The following SRGAP2 variants were observed in gnomAD, a reference collection of about 807,000 sequenced individuals.
SRGAP2 encodes SLIT-ROBO Rho GTPase-activating protein 2.
SRGAP2 carries 15 observed loss-of-function variants against 57.2 expected under a neutral mutation model. The observed-to-expected ratio is 0.26, with a 90% CI of 0.18 to 0.40. The LOEUF (loss-of-function observed/expected upper bound fraction) is 0.40, where lower values mean the gene tolerates loss of function less well. Ranked by LOEUF, SRGAP2 falls within the 10% of genes least tolerant of loss-of-function variation. The pLI, the probability that SRGAP2 is intolerant of heterozygous loss-of-function variation, is 1.00. For synonymous variants in SRGAP2, 249 were observed against 248.0 expected, an observed-to-expected ratio of 1.00 and a Z score of -0.04; for missense variants, 520 against 669.6, an observed-to-expected ratio of 0.78 and a Z score of 2.47.
intron 7 of SRGAP2, among the ~76,000 whole-genome samples, chr1:206,395,667 G>A (rs1382404155): frequency 1.8e-4 from 27 of 151,372 alleles, no homozygotes; most frequent in Admixed American, 1.8e-3. Flanking sequence ...TGTACTCAAG[G>A]CAACTTCCCT....
intron 2 of SRGAP2, among the ~76,000 whole-genome samples, chr1:206,289,226 A>G (rs1188223346): frequency 1.4e-5 from 2 of 141,932 alleles, no homozygotes; most frequent in Non-Finnish European, 3.0e-5. Flanking sequence ...AAACAATAGC[A>G]GATATAATTT....
chr1:206,436,351 CT>C (rs558991193), intron 14 of SRGAP2, among the ~76,000 whole-genome samples: 299 of 144,060 alleles, frequency 2.1e-3, no homozygotes, highest in Middle Eastern at 3.6e-3. Context: ...ATTTCCCATT[CT>C]TTTTTTTTTT....
At chr1:206,377,155 C>A (rs1443905467) in intron 4 of SRGAP2, among the ~76,000 whole-genome samples, 4 of 152,148 alleles carry the variant, frequency 2.6e-5, no homozygotes, top group African/African-American at 9.7e-5. Context: ...GAATCAAATT[C>A]AAAAACTATT....
At chr1:206,452,908 AAT>A (rs782520058) in intron 19 of SRGAP2, among the ~76,000 whole-genome samples, 29 of 150,924 alleles carry the variant, frequency 1.9e-4, no homozygotes, top group African/African-American at 4.4e-4. Flanking sequence ...AAAAAAAAAA[AAT>A]GGGATGCTTG....
Position 206,296,116 on chromosome 1 carries a change from G to A in SRGAP2, c.68-7165G>A, listed in dbSNP as rs1271802872. Among the ~76,000 whole-genome samples the A allele has an allele frequency of 2.7e-5, 4 of 149,000 alleles. No homozygotes were observed. In the East Asian group the frequency reaches 6.0e-4, roughly 22 times the overall value. ...CCAGGGATAGGGCTGGCTTCTCATC[G>A]TGACTTCATTCAGATACTCATGTTT... On this transcript the variant is annotated intron_variant, in intron 2 of 22. Transcript: ENST00000573034.
chr1:206,458,451 G>C, intron 21 of SRGAP2, 172 bp from the exon 22 acceptor site: 1 of 715,494 alleles, frequency 1.4e-6, no homozygotes. Context: ...GGGGTGGCAA[G>C]GGAATGAAGA....
At position 206,384,608 on chromosome 1, in the gene SRGAP2, T is replaced by C. The variant is rs562580246; in HGVS notation, c.486+532T>C. On this transcript the variant is annotated intron_variant, in intron 5 of 22. Transcript: ENST00000573034. ...AGCTTTGCCTGGCTTCCTGGAGTTT[T>C]ATAAAGCCAAACCTCAGTGACGAGG... 3.3e-3 allele frequency among the ~76,000 whole-genome samples: 506 copies of C among 152,236 alleles called. 1 individual carries two copies. Among genetic ancestry groups the C allele is most frequent in the Non-Finnish European group, 5.1e-3 (346 of 68,008 alleles).
At chr1:206,451,467 G>A (rs1663302322) in intron 19 of SRGAP2, among the ~76,000 whole-genome samples, 1 of 152,010 alleles carries the variant, frequency 6.6e-6, no homozygotes, top group Admixed American at 6.6e-5. Flanking sequence ...GCTGACAAGG[G>A]GCCTCAGAAT....
intron 13 of SRGAP2, among the ~76,000 whole-genome samples, chr1:206,421,934 T>TA (rs140699790): frequency 0.012 from 1,895 of 152,266 alleles, 54 homozygotes; most frequent in African/African-American, 0.043. Context: ...TGTGCTTGTT[T>TA]AAAAAAAATT....
intron 14 of SRGAP2, 48 bp downstream of exon 14, chr1:206,430,270 A>T (rs782540324): frequency 1.3e-6 from 1 of 779,502 alleles, no homozygotes; most frequent in Non-Finnish European, 2.4e-6. Context: ...GATTGGGAAG[A>T]ACTTCCAGGA....
chr1:206,449,979 G>C (rs1663124216), intron 18 of SRGAP2, among the ~76,000 whole-genome samples: 1 of 152,200 alleles, frequency 6.6e-6, no homozygotes, highest in Non-Finnish European at 1.5e-5. Flanking sequence ...AAGTATCAGA[G>C]CTGGTTTTCG....
chr1:206,397,969 T>C (rs1657771771), intron 7 of SRGAP2, among the ~76,000 whole-genome samples: 1 of 130,204 alleles, frequency 7.7e-6, no homozygotes, highest in Non-Finnish European at 1.6e-5. Flanking sequence ...TTCCAGGCCT[T>C]GTGGAGTCTC....
intron 18 of SRGAP2, among the ~76,000 whole-genome samples, chr1:206,447,209 A>G (rs1662833674): frequency 6.6e-6 from 1 of 152,026 alleles, no homozygotes; most frequent in Non-Finnish European, 1.5e-5. Context: ...TCTTCCCCTA[A>G]ATAGTATTTC....
At chr1:206,445,583 C>T (rs1553373452) in intron 17 of SRGAP2, among the ~76,000 whole-genome samples, 1 of 152,178 alleles carries the variant, frequency 6.6e-6, no homozygotes, top group East Asian at 1.9e-4. Context: ...AAAGGAATAT[C>T]CCTAATAATT....
chr1:206,374,184 C>T (rs1553343580), intron 4 of SRGAP2, among the ~76,000 whole-genome samples: 1 of 151,440 alleles, frequency 6.6e-6, no homozygotes, highest in African/African-American at 2.4e-5. Context: ...GCCACTACGC[C>T]CGGCTAACTT....
At chr1:206,253,618 C>T (rs1414264978) in intron 2 of SRGAP2, among the ~76,000 whole-genome samples, 1 of 144,422 alleles carries the variant, frequency 6.9e-6, no homozygotes, top group African/African-American at 2.6e-5. Flanking sequence ...CTCCGTCCCC[C>T]AGGCTGGAGT....
At chr1:206,274,173 T>C in intron 2 of SRGAP2, among the ~76,000 whole-genome samples, 2 of 140,228 alleles carry the variant, frequency 1.4e-5, no homozygotes, top group East Asian at 2.0e-4. Flanking sequence ...AAAAATTATC[T>C]GGGTGTGGTG....
At chr1:206,328,170 G>T in intron 3 of SRGAP2, among the ~76,000 whole-genome samples, 1 of 63,914 alleles carries the variant, frequency 1.6e-5, no homozygotes, top group African/African-American at 1.2e-4. Flanking sequence ...GTATTCCATG[G>T]TGTATATGTG....
chr1:206,351,922 G>A (rs1484227063), intron 4 of SRGAP2, among the ~76,000 whole-genome samples: 1 of 152,190 alleles, frequency 6.6e-6, no homozygotes, highest in Non-Finnish European at 1.5e-5. Flanking sequence ...TGGTGTTTTA[G>A]TTCTTAGGTA....
Sources: allele counts gnomAD v4.1 joint callset (sites outside exome capture counted in the v4.1 genomes callset), GRCh38; gene constraint gnomAD v4.1.1; transcripts MANE v1.5; gene names NCBI Gene and HGNC (gene_info 2026-07-23, HGNC 2026-07-21).